EYA1: variants seen among roughly 807,000 people sequenced by gnomAD.
EYA1 encodes EYA transcriptional coactivator and phosphatase 1.
Under a neutral mutation model 82.0 loss-of-function variants are expected in EYA1, and 16 were observed. The ratio of observed to expected loss-of-function variants is 0.20; its 90% CI spans 0.13 to 0.30. The LOEUF (loss-of-function observed/expected upper bound fraction) is 0.30. EYA1 is among the 10% of genes least tolerant of loss of function. The pLI, the probability that EYA1 is intolerant of heterozygous loss-of-function variation, is 1.00. For missense variants in EYA1, 633 were observed against 730.7 expected, an observed-to-expected ratio of 0.87 and a Z score of 1.54; for synonymous variants, 261 against 264.4, an observed-to-expected ratio of 0.99 and a Z score of 0.12.
Position 71,501,973 on chromosome 8 carries a change from T to C in EYA1, c.33+33771A>G, listed in dbSNP as rs574081577. Reference sequence around the variant, plus strand: ...TTTAGACTCAACAAAGATCTCTTAATTCCAGGACCTACTAACAGTGCTCTT... The same window carrying C: ...TTTAGACTCAACAAAGATCTCTTAACTCCAGGACCTACTAACAGTGCTCTT... On this transcript the variant is annotated intron_variant, in intron 2 of 18. Transcript: ENST00000643681. Among the ~76,000 whole-genome samples, 54 of 152,338 alleles carry C rather than the reference T, an allele frequency of 3.5e-4. No individual in the cohort carries two copies. The South Asian group carries it at 0.011, about 30-fold the overall frequency.
At chr8:71,346,444 ATATATATATATC>A (rs200118084) in intron 3 of EYA1, among the ~76,000 whole-genome samples, 3,247 of 142,684 alleles carry the variant, frequency 0.023, 150 homozygotes, top group African/African-American at 0.078. Context: ...ATATATATAT[ATATATATATATC>A]TATATATATC....
chr8:71,210,278 A>G (rs1328657065), intron 17 of EYA1, among the ~76,000 whole-genome samples: 6 of 152,238 alleles, frequency 3.9e-5, no homozygotes, highest in Non-Finnish European at 8.8e-5. Flanking sequence ...AAGGTAGTAC[A>G]TGAATTAAAT....
intron 2 of EYA1, among the ~76,000 whole-genome samples, chr8:71,516,965 T>C (rs1356556562): frequency 6.6e-6 from 1 of 152,124 alleles, no homozygotes; most frequent in Non-Finnish European, 1.5e-5. Context: ...ACTGCACAAC[T>C]TTCAGTGCTT....
intron 1 of EYA1, among the ~76,000 whole-genome samples, chr8:71,360,169 T>G (rs1341447430): frequency 6.6e-6 from 1 of 152,222 alleles, no homozygotes; most frequent in Admixed American, 6.5e-5. Context: ...AGTACATTAC[T>G]TTTTGCAATG....
chr8:71,299,583 A>T, intron 8 of EYA1, 55 bp downstream of exon 8: 1 of 992,846 alleles, frequency 1.0e-6, no homozygotes, highest in Non-Finnish European at 1.6e-6. Context: ...TACATAAGAA[A>T]ATCATGTTGC....
intron 12 of EYA1, among the ~76,000 whole-genome samples, chr8:71,222,414 G>A (rs140241720): frequency 9.2e-5 from 14 of 152,332 alleles, no homozygotes; most frequent in African/African-American, 3.4e-4. Context: ...AACGCATCCA[G>A]CCCGCTGTTC....
chr8:71,519,205 G>A (rs1350429901), intron 2 of EYA1, among the ~76,000 whole-genome samples: 2 of 152,110 alleles, frequency 1.3e-5, no homozygotes, highest in African/African-American at 4.8e-5. Context: ...CCTAGACAGT[G>A]CTTCTGCTCA....
intron 2 of EYA1, among the ~76,000 whole-genome samples, chr8:71,372,392 A>C (rs1395330955): frequency 1.3e-5 from 2 of 152,186 alleles, no homozygotes; most frequent in African/African-American, 2.4e-5. Flanking sequence ...AAACATTTTC[A>C]GACAAGTAAA....
At chr8:71,486,148 A>G (rs1390651108) in intron 2 of EYA1, among the ~76,000 whole-genome samples, 1 of 152,164 alleles carries the variant, frequency 6.6e-6, no homozygotes, top group Non-Finnish European at 1.5e-5. Context: ...GCACTATCAG[A>G]CTAGTATTGA....
chr8:71,492,021 A>C (rs1209808963), intron 2 of EYA1, among the ~76,000 whole-genome samples: 2 of 152,210 alleles, frequency 1.3e-5, no homozygotes, highest in Non-Finnish European at 2.9e-5. Flanking sequence ...TCTAGATGGC[A>C]ACCATCAGCC....
intron 9 of EYA1, among the ~76,000 whole-genome samples, chr8:71,285,460 A>T (rs938515158): frequency 1.3e-5 from 2 of 152,234 alleles, no homozygotes; most frequent in African/African-American, 2.4e-5. Context: ...AATATTCATG[A>T]CAGAGAAAGT....
intron 9 of EYA1, among the ~76,000 whole-genome samples, chr8:71,283,770 C>G (rs1818081731): frequency 6.6e-6 from 1 of 152,062 alleles, no homozygotes; most frequent in Non-Finnish European, 1.5e-5. Flanking sequence ...CAGTGCAAAG[C>G]CAGGAAGACA....
chr8:71,357,999 C>T (rs1412553581), intron 1 of EYA1, among the ~76,000 whole-genome samples: 1 of 150,958 alleles, frequency 6.6e-6, no homozygotes, highest in East Asian at 1.9e-4. Flanking sequence ...CACTTTTATA[C>T]ACCTGGAATA....
chr8:71,234,283 C>T (rs1585909790), intron 12 of EYA1, among the ~76,000 whole-genome samples: 1 of 152,242 alleles, frequency 6.6e-6, no homozygotes, highest in East Asian at 1.9e-4. Context: ...ATGAAACCAC[C>T]TTCCCTTGAT....
chr8:71,541,464 C>G (rs747161059), intron 1 of EYA1, among the ~76,000 whole-genome samples: 3 of 152,120 alleles, frequency 2.0e-5, no homozygotes, highest in African/African-American at 7.2e-5. Context: ...AAATGCAAGG[C>G]AAGTAGAAAG....
chr8:71,475,230 G>A (rs1563650750), intron 2 of EYA1, among the ~76,000 whole-genome samples: 1 of 152,214 alleles, frequency 6.6e-6, no homozygotes, highest in African/African-American at 2.4e-5. Context: ...GTATATAATA[G>A]TGTGTGTAGC....
intron 17 of EYA1, among the ~76,000 whole-genome samples, chr8:71,204,859 C>T (rs1312920657): frequency 1.3e-5 from 2 of 151,998 alleles, no homozygotes; most frequent in Non-Finnish European, 2.9e-5. Flanking sequence ...ATCTGCTTGC[C>T]CTCTAGACAT....
In EYA1 at chr8:71,299,162, T is replaced by A. The variant is rs768529799; in HGVS notation, c.711A>T (p.Ala237=). 21 of 1,614,150 alleles carry A rather than the reference T, an allele frequency of 1.3e-5. No homozygotes were observed. Among genetic ancestry groups the A allele is most frequent in the Non-Finnish European group, 1.8e-5 (21 of 1,180,004 alleles). ...TGGTGTTGCTGCTGGTCATATAATG[T>A]GCTGGATACGGTGAGCTGTTATAAT... ...AQYYNSSPYP[A]HYMTSSNTSP... The change falls in exon 9 of 18, where the codon GCA becomes GCT. Residue 237 remains alanine (A), a synonymous_variant. Transcript: ENST00000340726.
intron 17 of EYA1, among the ~76,000 whole-genome samples, chr8:71,204,981 G>A (rs940123382): frequency 6.6e-6 from 1 of 152,208 alleles, no homozygotes; most frequent in Non-Finnish European, 1.5e-5. Context: ...ACTGTACTTG[G>A]TGTTTATAAC....
Sources: allele counts gnomAD v4.1 joint callset (sites outside exome capture counted in the v4.1 genomes callset), GRCh38; gene constraint gnomAD v4.1.1; transcripts MANE v1.5; gene names NCBI Gene and HGNC (gene_info 2026-07-23, HGNC 2026-07-21).